Variants in CREB5 observed in about 807,000 individuals in gnomAD.
CREB5 encodes cAMP responsive element binding protein 5, also known as cyclic AMP-responsive element-binding protein 5.
Under a neutral mutation model 57.1 loss-of-function variants are expected in CREB5, and 19 were observed. That is an observed-to-expected ratio of 0.33 (90% CI 0.23 to 0.49). The LOEUF (loss-of-function observed/expected upper bound fraction) is 0.49, where lower values mean the gene tolerates loss of function less well. Among genes scored for constraint, CREB5 ranks in the 20% least tolerant of loss-of-function variants. CREB5 has a pLI of 0.99. For synonymous variants in CREB5, 238 were observed against 238.3 expected (o/e 1.00, Z 0.01); for missense variants, 579 against 671.6 (o/e 0.86, Z 1.52).
intron 5 of CREB5, among the ~76,000 whole-genome samples, chr7:28,695,318 G>A (rs777944705): frequency 1.8e-4 from 27 of 152,178 alleles, no homozygotes; most frequent in Non-Finnish European, 3.4e-4. Flanking sequence ...GCTCTAAGGC[G>A]GTGAGGAGCA....
upstream of CREB5, chr7:28,410,700 T>C: frequency 2.6e-6 from 1 of 380,326 alleles, no homozygotes; most frequent in South Asian, 1.9e-5. Flanking sequence ...ATTTTTATTT[T>C]TCCCTCCTTC....
chr7:28,800,670 G>A (rs1583775623), intron 7 of CREB5, among the ~76,000 whole-genome samples: 1 of 152,178 alleles, frequency 6.6e-6, no homozygotes, highest in Non-Finnish European at 1.5e-5. Context: ...GAGGTTCCTG[G>A]AAATTCTTTA....
intron 5 of CREB5, among the ~76,000 whole-genome samples, chr7:28,666,013 T>C (rs1266552965): frequency 1.3e-5 from 2 of 152,082 alleles, no homozygotes. Flanking sequence ...GTAAGAAAAA[T>C]CTATTTTTTG....
chr7:28,692,013 C>CA (rs10660459), intron 5 of CREB5, among the ~76,000 whole-genome samples: 12,136 of 102,730 alleles, frequency 0.12, 623 homozygotes, highest in Middle Eastern at 0.22. Context: ...TACTAAAATA[C>CA]AAAAAAAAAA....
intron 5 of CREB5, chr7:28,686,105 G>C (rs1274627985): frequency 6.2e-7 from 1 of 1,610,084 alleles, no homozygotes; most frequent in African/African-American, 1.3e-5. Flanking sequence ...ACTCAAGCTA[G>C]TTAAGCTTTG....
At chr7:28,591,734 T>A (rs1389939623) in intron 5 of CREB5, among the ~76,000 whole-genome samples, 1 of 152,188 alleles carries the variant, frequency 6.6e-6, no homozygotes, top group Non-Finnish European at 1.5e-5. Flanking sequence ...GGGAAGACTA[T>A]ATGGCCTATC....
chr7:28,442,005 C>T (rs1789206356), intron 1 of CREB5, among the ~76,000 whole-genome samples: 1 of 152,018 alleles, frequency 6.6e-6, no homozygotes, highest in African/African-American at 2.4e-5. Flanking sequence ...TACAGTTAAC[C>T]ATATTCACCC....
chr7:28,626,941 T>A (rs1055480784), intron 5 of CREB5, among the ~76,000 whole-genome samples: 15 of 151,848 alleles, frequency 9.9e-5, no homozygotes, highest in Admixed American at 9.2e-4. Flanking sequence ...GATACAGGGG[T>A]TTTTTTTCTC....
At chr7:28,392,419 T>G (rs1024889133) in intron 1 of CREB5, among the ~76,000 whole-genome samples, 1 of 152,230 alleles carries the variant, frequency 6.6e-6, no homozygotes, top group Non-Finnish European at 1.5e-5. Flanking sequence ...GGCTGGGTAA[T>G]TCTATTAGCT....
chr7:28,507,981 C>T (rs1227500705), intron 4 of CREB5, among the ~76,000 whole-genome samples: 5 of 152,186 alleles, frequency 3.3e-5, no homozygotes, highest in Admixed American at 2.6e-4. Context: ...TTTTACTTTG[C>T]TAAGTATTTA....
chr7:28,334,902 A>G (rs1015355954), intron 1 of CREB5, among the ~76,000 whole-genome samples: 2 of 152,158 alleles, frequency 1.3e-5, no homozygotes, highest in Non-Finnish European at 2.9e-5. Context: ...ATAGGGGTCT[A>G]ATTTCATTCT....
chr7:28,529,616 C>A (rs1793632851), intron 4 of CREB5, among the ~76,000 whole-genome samples: 1 of 152,132 alleles, frequency 6.6e-6, no homozygotes, highest in Non-Finnish European at 1.5e-5. Context: ...AAATAAAGAA[C>A]AAAAACTGTC....
At chr7:28,677,493 T>A (rs1415505937) in intron 5 of CREB5, among the ~76,000 whole-genome samples, 1 of 152,156 alleles carries the variant, frequency 6.6e-6, no homozygotes, top group Non-Finnish European at 1.5e-5. Flanking sequence ...GGATTGAGAT[T>A]CATGTCTTCG....
upstream of CREB5, among the ~76,000 whole-genome samples, chr7:28,408,954 C>G (rs1787652483): frequency 6.6e-6 from 1 of 152,060 alleles, no homozygotes; most frequent in Non-Finnish European, 1.5e-5. Flanking sequence ...CCCTCCCCAC[C>G]TCTCCCCTAC....
At chr7:28,398,941 C>A (rs2127999249) in intron 1 of CREB5, among the ~76,000 whole-genome samples, 1 of 152,270 alleles carries the variant, frequency 6.6e-6, no homozygotes, top group South Asian at 2.1e-4. Flanking sequence ...GTCTCAAACT[C>A]CTGGGCTCAA....
chr7:28,325,588 T>C (rs1414228904), intron 1 of CREB5, among the ~76,000 whole-genome samples: 1 of 152,224 alleles, frequency 6.6e-6, no homozygotes, highest in African/African-American at 2.4e-5. Flanking sequence ...CATCTCCATC[T>C]ATCTCATATG....
intron 1 of CREB5, among the ~76,000 whole-genome samples, chr7:28,443,895 C>T (rs893583753): frequency 1.3e-5 from 2 of 152,164 alleles, no homozygotes; most frequent in African/African-American, 4.8e-5. Flanking sequence ...GGTCATTTAC[C>T]TGAGATGTGG....
Position 28,620,925 on chromosome 7 carries a change from T to C in CREB5, c.464+50388T>C, listed in dbSNP as rs1408585015. 2.0e-5 allele frequency among the ~76,000 whole-genome samples: 3 copies of C among 152,108 alleles called. No homozygotes were observed. The East Asian group carries it at 5.8e-4, about 29-fold the overall frequency. On this transcript the variant is annotated intron_variant, in intron 5 of 10. Transcript: ENST00000357727. ...AACATTTCGCAAACCCAATAAGAAG[T>C]CCCTAAAATTAATTTTACCTAAATC...
At chr7:28,371,491 C>CAAA (rs5883125) in intron 1 of CREB5, among the ~76,000 whole-genome samples, 21 of 77,172 alleles carry the variant, frequency 2.7e-4, no homozygotes, top group African/African-American at 8.5e-4. Context: ...TACTCCATCT[C>CAAA]AAAAAAAAAA....
Sources: allele counts gnomAD v4.1 joint callset (sites outside exome capture counted in the v4.1 genomes callset), GRCh38; gene constraint gnomAD v4.1.1; transcripts MANE v1.5; gene names NCBI Gene and HGNC (gene_info 2026-07-23, HGNC 2026-07-21).